The following NUBPL variants were observed in gnomAD, a reference collection of about 807,000 sequenced individuals.
NUBPL encodes the protein NUBP iron-sulfur cluster assembly factor, mitochondrial.
NUBPL carries 31 observed loss-of-function variants against 45.7 expected under a neutral mutation model. The observed-to-expected ratio is 0.68, with a 90% CI of 0.51 to 0.92. The LOEUF is 0.92. NUBPL is among the 40% of genes least tolerant of loss of function. NUBPL has a pLI of 0.00. For missense variants in NUBPL, 401 were observed against 398.7 expected, an observed-to-expected ratio of 1.01 and a Z score of -0.05; for synonymous variants, 144 against 140.9, an observed-to-expected ratio of 1.02 and a Z score of -0.15.
intron 8 of NUBPL, among the ~76,000 whole-genome samples, chr14:31,828,182 C>T (rs112842340): frequency 0.011 from 1,628 of 152,280 alleles, 27 homozygotes; most frequent in African/African-American, 0.037. Context: ...AACCAAATGC[C>T]TGCCTCACAC....
At chr14:31,832,558 A>T (rs1232111832) in intron 8 of NUBPL, among the ~76,000 whole-genome samples, 4 of 152,204 alleles carry the variant, frequency 2.6e-5, no homozygotes, top group African/African-American at 9.7e-5. Context: ...TCAAGGAAGA[A>T]ACTGGTAAAG....
At chr14:31,821,450 T>G (rs896809484) in intron 7 of NUBPL, among the ~76,000 whole-genome samples, 7 of 152,176 alleles carry the variant, frequency 4.6e-5, no homozygotes, top group African/African-American at 1.7e-4. Flanking sequence ...TCAGAATCAT[T>G]GATAATCAGA....
At chr14:31,706,159 C>A (rs1204165190) in intron 6 of NUBPL, among the ~76,000 whole-genome samples, 2 of 151,964 alleles carry the variant, frequency 1.3e-5, no homozygotes, top group African/African-American at 4.8e-5. Context: ...TCAATCCCCC[C>A]TCTAAACAGG....
At chr14:31,812,218 G>C (rs111637850) in intron 7 of NUBPL, among the ~76,000 whole-genome samples, 11,223 of 152,284 alleles carry the variant, frequency 0.074, 474 homozygotes, top group Non-Finnish European at 0.092. Context: ...TTTCTGCTGC[G>C]TTTTGTTCAG....
At chr14:31,799,058 T>C (rs1411443966) in intron 7 of NUBPL, among the ~76,000 whole-genome samples, 1 of 152,122 alleles carries the variant, frequency 6.6e-6, no homozygotes, top group South Asian at 2.1e-4. Flanking sequence ...AGAAAGAGCC[T>C]TTCTATCAAT....
At chr14:31,719,541 AAG>A (rs1377772042) in intron 6 of NUBPL, among the ~76,000 whole-genome samples, 1 of 152,152 alleles carries the variant, frequency 6.6e-6, no homozygotes, top group East Asian at 1.9e-4. Context: ...GTCTCCCATA[AAG>A]AACTGCACTA....
chr14:31,664,595 G>A (rs549921246), intron 4 of NUBPL, among the ~76,000 whole-genome samples: 12 of 152,270 alleles, frequency 7.9e-5, no homozygotes, highest in South Asian at 2.1e-4. Context: ...CAACTTGATC[G>A]TGGTGGATAA....
chr14:31,699,045 G>A (rs2037276848), intron 6 of NUBPL, among the ~76,000 whole-genome samples: 1 of 152,078 alleles, frequency 6.6e-6, no homozygotes, highest in African/African-American at 2.4e-5. Context: ...AGTAGAGATG[G>A]CATTTCGCCA....
intron 3 of NUBPL, among the ~76,000 whole-genome samples, chr14:31,577,487 C>T (rs2033746608): frequency 6.6e-6 from 1 of 152,210 alleles, no homozygotes; most frequent in African/African-American, 2.4e-5. Flanking sequence ...GATCTTGGCT[C>T]ACTGCAACCT....
chr14:31,710,716 G>A (rs920461088), intron 6 of NUBPL, among the ~76,000 whole-genome samples: 3 of 152,300 alleles, frequency 2.0e-5, no homozygotes, highest in Non-Finnish European at 4.4e-5. Context: ...GGGATCTCCA[G>A]GGTTGGAAGA....
At chr14:31,842,241 A>G (rs17379410) in intron 8 of NUBPL, among the ~76,000 whole-genome samples, 15,643 of 151,696 alleles carry the variant, frequency 0.1, 1,073 homozygotes, top group Non-Finnish European at 0.16. Flanking sequence ...TGGGCTCTTT[A>G]TTCTATTACA....
chr14:31,653,298 C>T (rs535355808), intron 4 of NUBPL, among the ~76,000 whole-genome samples: 32 of 152,120 alleles, frequency 2.1e-4, no homozygotes, highest in Non-Finnish European at 3.8e-4. Flanking sequence ...GGTTTTTCCC[C>T]ACTCTAGTGA....
intron 8 of NUBPL, among the ~76,000 whole-genome samples, chr14:31,840,469 G>A (rs2138973873): frequency 6.6e-6 from 1 of 152,068 alleles, no homozygotes; most frequent in African/African-American, 2.4e-5. Flanking sequence ...ACCTACTGGG[G>A]AGGCGGAGGT....
chr14:31,684,952 A>C (rs1458145336), intron 6 of NUBPL, among the ~76,000 whole-genome samples: 2 of 152,202 alleles, frequency 1.3e-5, no homozygotes, highest in Non-Finnish European at 2.9e-5. Flanking sequence ...GTGGGAGGAA[A>C]AGGAGTTAGT....
intron 8 of NUBPL, chr14:31,844,485 C>T (rs549859030): frequency 1.3e-5 from 2 of 152,132 alleles, no homozygotes; most frequent in African/African-American, 2.4e-5. Flanking sequence ...CAAAACACAG[C>T]GTGATTTATT....
chr14:31,603,129 TAGTG>T (rs1164794217), intron 4 of NUBPL, among the ~76,000 whole-genome samples: 1 of 151,474 alleles, frequency 6.6e-6, no homozygotes, highest in Non-Finnish European at 1.5e-5. Context: ...CTGGGCAACA[TAGTG>T]AGACAAAAAT....
intron 7 of NUBPL, among the ~76,000 whole-genome samples, chr14:31,815,203 C>T (rs1007007667): frequency 2.0e-5 from 3 of 151,858 alleles, no homozygotes; most frequent in African/African-American, 7.3e-5. Context: ...TTTGTGTCCT[C>T]TCTTATTTTC....
intron 4 of NUBPL, among the ~76,000 whole-genome samples, chr14:31,631,139 CT>C (rs2035331389): frequency 6.6e-6 from 1 of 152,028 alleles, no homozygotes; most frequent in South Asian, 2.1e-4. Context: ...ACTTGTTTTT[CT>C]TTTTTCAGGA....
chr14:31,643,412 G>T (rs1192734481), intron 4 of NUBPL, among the ~76,000 whole-genome samples: 2 of 152,114 alleles, frequency 1.3e-5, no homozygotes, highest in Non-Finnish European at 2.9e-5. Flanking sequence ...ATGATCACAT[G>T]ATATTTCCTC....
Sources: gnomAD v4.1 joint callset for allele counts (sites outside exome capture counted in the v4.1 genomes callset) on GRCh38, gnomAD v4.1.1 for gene constraint, MANE v1.5 for transcripts, NCBI Gene and HGNC (gene_info 2026-07-23, HGNC 2026-07-21) for gene names.